The following FYN variants were observed in gnomAD, a reference collection of about 807,000 sequenced individuals.
FYN encodes FYN proto-oncogene, Src family tyrosine kinase.
A neutral mutation model predicts 70.2 loss-of-function variants in FYN; 10 were observed. The ratio of observed to expected loss-of-function variants is 0.14; its 90% CI spans 0.09 to 0.24. FYN has a LOEUF of 0.24. Among genes scored for constraint, FYN ranks in the 10% least tolerant of loss-of-function variants. The probability of loss-of-function intolerance (pLI) is 1.00; values close to 1 mark genes in which losing one functional copy is unlikely to be tolerated. For missense variants in FYN, 319 were observed against 673.1 expected, an observed-to-expected ratio of 0.47 and a Z score of 5.82; for synonymous variants, 236 against 248.6, an observed-to-expected ratio of 0.95 and a Z score of 0.48.
At chr6:111,733,880 G>A (rs1451669954) in intron 3 of FYN, among the ~76,000 whole-genome samples, 2 of 152,170 alleles carry the variant, frequency 1.3e-5, no homozygotes, top group African/African-American at 4.8e-5. Context: ...TTGAAGCCAG[G>A]AATTGGAGAC....
intron 2 of FYN, among the ~76,000 whole-genome samples, chr6:111,820,592 G>T (rs1202409754): frequency 6.6e-6 from 1 of 152,068 alleles, no homozygotes; most frequent in Admixed American, 6.5e-5. Flanking sequence ...AGTATTCTCT[G>T]CATAATATAA....
At chr6:111,790,362 G>T (rs990196900) in intron 2 of FYN, among the ~76,000 whole-genome samples, 1 of 150,088 alleles carries the variant, frequency 6.7e-6, no homozygotes, top group Non-Finnish European at 1.5e-5. Flanking sequence ...GGTTCAAGAG[G>T]GAAAGGACTC....
At chr6:111,829,265 T>A (rs767361137) in intron 2 of FYN, among the ~76,000 whole-genome samples, 4 of 152,218 alleles carry the variant, frequency 2.6e-5, no homozygotes, top group African/African-American at 7.2e-5. Context: ...GTGTCACTCA[T>A]CAGCAGGGTG....
intron 2 of FYN, among the ~76,000 whole-genome samples, chr6:111,799,214 T>C (rs1771907526): frequency 6.6e-6 from 1 of 152,180 alleles, no homozygotes; most frequent in Non-Finnish European, 1.5e-5. Flanking sequence ...TTTTAAAAAT[T>C]TAACATTTCT....
chr6:111,722,204 G>A (rs995453146), intron 3 of FYN, among the ~76,000 whole-genome samples: 7 of 152,160 alleles, frequency 4.6e-5, no homozygotes, highest in African/African-American at 1.7e-4. Context: ...TCTTGAGAAT[G>A]AAAATGTTTG....
At chr6:111,809,889 G>A (rs1158359202) in intron 2 of FYN, among the ~76,000 whole-genome samples, 1 of 152,146 alleles carries the variant, frequency 6.6e-6, no homozygotes, top group East Asian at 1.9e-4. Context: ...CATTAAGGTA[G>A]TATACAAATG....
chr6:111,856,437 GGTTA>G (rs1192566231), intron 1 of FYN, among the ~76,000 whole-genome samples: 6 of 151,308 alleles, frequency 4.0e-5, no homozygotes, highest in Admixed American at 1.3e-4. Context: ...CACTGGCATA[GGTTA>G]GTTAGAGACA....
chr6:111,780,212 T>C (rs1033316942), intron 3 of FYN, among the ~76,000 whole-genome samples: 2 of 152,246 alleles, frequency 1.3e-5, no homozygotes, highest in African/African-American at 2.4e-5. Context: ...CGGATCTCTC[T>C]GCTTTGGAGA....
intron 3 of FYN, among the ~76,000 whole-genome samples, chr6:111,720,429 T>C (rs118086828): frequency 0.055 from 8,385 of 152,200 alleles, 328 homozygotes; most frequent in Non-Finnish European, 0.088. Flanking sequence ...AAATAATACA[T>C]GCTCTGTAGA....
rs150138840 is a variant in FYN, at chr6:111,870,235, G to A, written c.-123+2733C>T. On this transcript the variant is annotated intron_variant, in intron 1 of 13. Coordinates refer to ENST00000354650, the MANE Select transcript of FYN (RefSeq NM_002037.5). ...GGTATTTTAAAAGTGGGTGTGCCCC[G>A]TCTACTCTCTGTTGCCCCTTCTGTA... Among the ~76,000 whole-genome samples, 347 of 152,248 alleles carry A rather than the reference G, an allele frequency of 2.3e-3. 3 individuals are homozygous for A. The highest frequency in any genetic ancestry group is 8.0e-3 in the African/African-American group (331 of 41,542).
chr6:111,805,891 T>C (rs1487722209), intron 2 of FYN, among the ~76,000 whole-genome samples: 1 of 152,208 alleles, frequency 6.6e-6, no homozygotes, highest in Non-Finnish European at 1.5e-5. Context: ...TGGGGGAAGC[T>C]GGGACCACTT....
At chr6:111,719,207 T>C (rs1484243799) in intron 4 of FYN, among the ~76,000 whole-genome samples, 1 of 151,732 alleles carries the variant, frequency 6.6e-6, no homozygotes, top group African/African-American at 2.4e-5. Context: ...GGAAAACATA[T>C]GTCTGAGAAC....
At chr6:111,673,565 C>G (rs1038623428) in intron 13 of FYN, among the ~76,000 whole-genome samples, 1 of 151,052 alleles carries the variant, frequency 6.6e-6, no homozygotes, top group Non-Finnish European at 1.5e-5. Flanking sequence ...GATTACAAAC[C>G]CAGGATTTGC....
chr6:111,730,140 G>A (rs562287439), intron 3 of FYN, among the ~76,000 whole-genome samples: 5 of 152,338 alleles, frequency 3.3e-5, no homozygotes, highest in East Asian at 1.9e-4. Flanking sequence ...CCTGCTGAGC[G>A]TGTGCTCTTA....
At chr6:111,713,401 G>C (rs754324706) in intron 5 of FYN, among the ~76,000 whole-genome samples, 1 of 152,178 alleles carries the variant, frequency 6.6e-6, no homozygotes, top group Non-Finnish European at 1.5e-5. Flanking sequence ...TTTGCTCAGA[G>C]AGCAGAGGAG....
intron 2 of FYN, among the ~76,000 whole-genome samples, chr6:111,802,446 T>C (rs932093627): frequency 2.0e-5 from 3 of 152,054 alleles, no homozygotes; most frequent in Non-Finnish European, 2.9e-5. Context: ...CTTTTTTTTT[T>C]CTTTGAGACA....
chr6:111,732,885 T>C (rs534620023), intron 3 of FYN, among the ~76,000 whole-genome samples: 6 of 152,200 alleles, frequency 3.9e-5, no homozygotes, highest in Admixed American at 6.5e-5. Flanking sequence ...GGAGCACAGC[T>C]GCTCGTCTAC....
chr6:111,684,245 G>A (rs1263067101), intron 12 of FYN, among the ~76,000 whole-genome samples: 1 of 152,132 alleles, frequency 6.6e-6, no homozygotes, highest in African/African-American at 2.4e-5. Flanking sequence ...TGGAAGGTGG[G>A]CCCGAACATA....
intron 3 of FYN, among the ~76,000 whole-genome samples, chr6:111,750,717 A>ATTTT (rs71759856): frequency 2.0e-4 from 26 of 130,734 alleles, no homozygotes; most frequent in African/African-American, 5.1e-4. Context: ...AATTCATGTC[A>ATTTT]TTTTTTTTTT....
Sources: gnomAD v4.1 joint callset for allele counts (sites outside exome capture counted in the v4.1 genomes callset) on GRCh38, gnomAD v4.1.1 for gene constraint, MANE v1.5 for transcripts, NCBI Gene and HGNC (gene_info 2026-07-23, HGNC 2026-07-21) for gene names.